PTDSS2: variants seen among roughly 807,000 people sequenced by gnomAD.
PTDSS2 encodes the protein PSS-2.
A neutral mutation model predicts 64.7 loss-of-function variants in PTDSS2; 41 were observed. That is an observed-to-expected ratio of 0.63 (90% CI 0.49 to 0.82). PTDSS2 has a LOEUF of 0.82. Ranked by LOEUF, PTDSS2 falls within the 40% of genes least tolerant of loss-of-function variation. The pLI is 0.00. For missense variants in PTDSS2, 485 were observed against 650.0 expected, an observed-to-expected ratio of 0.75 and a Z score of 2.76; for synonymous variants, 297 against 277.8, an observed-to-expected ratio of 1.07 and a Z score of -0.69.
intron 1 of PTDSS2, among the ~76,000 whole-genome samples, chr11:457,457 C>A (rs1163669842): frequency 6.6e-6 from 1 of 152,182 alleles, no homozygotes; most frequent in African/African-American, 2.4e-5. Flanking sequence ...GAGACGGGAT[C>A]TCACGATGTT....
rs865775553 is a variant in PTDSS2 at position 476,869 on chromosome 11, T to A, written c.368-2216T>A. Among the ~76,000 whole-genome samples the A allele has an allele frequency of 2.0e-5, 3 of 152,226 alleles. No individual in the cohort carries two copies. The highest frequency in any genetic ancestry group is 2.0e-4 in the Admixed American group (3 of 15,284). ...CATAAATTCCATATTACTTTGCCAA[T>A]CTTCGATTTATTGACGGGGAAGCCT... On this transcript the variant is annotated intron_variant, in intron 3 of 11. Coordinates refer to ENST00000308020, the MANE Select transcript of PTDSS2 (RefSeq NM_030783.3). This position sits in a 1 kb window ranked among gnomAD's most constrained non-coding sequence, Gnocchi z 4.9.
intron 4 of PTDSS2, among the ~76,000 whole-genome samples, chr11:484,572 C>T (rs1290295675): frequency 6.7e-6 from 1 of 149,870 alleles, no homozygotes; most frequent in Non-Finnish European, 1.5e-5. Context: ...GCTCACTGCG[C>T]AGGCATCTGT....
intron 4 of PTDSS2, among the ~76,000 whole-genome samples, chr11:482,408 G>T (rs1339855036): frequency 6.6e-6 from 1 of 152,118 alleles, no homozygotes; most frequent in Non-Finnish European, 1.5e-5. Context: ...TTTTAGTAGA[G>T]TCGGGGTTTC....
In PTDSS2 at chr11:462,757, C is replaced by T. The variant is rs993409414; in HGVS notation, c.284+2469C>T. ...GGTGTCCACACAGAGGGTGTCCGCA[C>T]ACAGGGTGCCCACACACAGGGTGTC... On this transcript the variant is annotated intron_variant, in intron 2 of 11. Transcript: ENST00000308020. The surrounding 1 kb of genome is among the most constrained non-coding windows in gnomAD (Gnocchi z 4.5). Among the ~76,000 whole-genome samples the T allele has an allele frequency of 6.6e-6, 1 of 152,118 alleles. No individual in the cohort carries two copies. The highest frequency in any genetic ancestry group is 1.5e-5 in the Non-Finnish European group (1 of 67,994).
At chr11:464,244 A>G (rs528218685) in intron 2 of PTDSS2, among the ~76,000 whole-genome samples, 1 of 152,190 alleles carries the variant, frequency 6.6e-6, no homozygotes, top group Admixed American at 6.5e-5. Context: ...CAGCCTCCCA[A>G]ATTGCTAGGA....
chr11:491,295 C>G lies in PTDSS2; in HGVS notation c.*713C>G, dbSNP rs1848678057. 1 of 152,432 alleles carries G rather than the reference C, an allele frequency of 6.6e-6. No homozygotes were observed. Among genetic ancestry groups the G allele is most frequent in the African/African-American group, 2.4e-5 (1 of 41,448 alleles). The allele number at this position is 152,432 out of a possible 1,614,324, so 9.4% of individuals were successfully genotyped here. A position where few individuals can be genotyped will look rare whatever the true frequency, so the allele number is the denominator to read the frequency against. ...CTCAAGGGGGCCTGGAACCCGGGTG[C>G]TGGGGTCATGCTGCCTCCGTGGCTC... On this transcript the variant is annotated 3_prime_UTR_variant, in exon 12 of 12. Transcript: ENST00000308020.
rs1564965866 is a variant in PTDSS2 at position 462,271 on chromosome 11, G to A, written c.284+1983G>A. ...CTGAGGGGGCAGCAGTGGTGGGCACGTCCCCCACTTCACCCAGCACTGGCC... is the reference window on the plus strand; with the variant it reads ...CTGAGGGGGCAGCAGTGGTGGGCACATCCCCCACTTCACCCAGCACTGGCC... On this transcript the variant is annotated intron_variant, in intron 2 of 11. Transcript: ENST00000308020. The surrounding 1 kb of genome is among the most constrained non-coding windows in gnomAD (Gnocchi z 4.5). 6.6e-6 allele frequency among the ~76,000 whole-genome samples: 1 copy of A among 152,114 alleles called. No individual in the cohort carries two copies. Among genetic ancestry groups the A allele is most frequent in the South Asian group, 2.1e-4 (1 of 4,826 alleles).
At chr11:450,669 G>C (rs1234201112) in intron 1 of PTDSS2, 32 bp downstream of exon 1, 2 of 1,241,606 alleles carry the variant, frequency 1.6e-6, no homozygotes, top group African/African-American at 3.1e-5. Context: ...GGGGCGGCGA[G>C]GGTGCCCTCG....
chr11:474,081 C>T, intron 3 of PTDSS2, 104 bp downstream of exon 3: 5 of 969,016 alleles, frequency 5.2e-6, no homozygotes, highest in Non-Finnish European at 8.4e-6. Context: ...CTCCCCTCCG[C>T]CTGGCCCCTC....
chr11:460,697 CAG>C lies in PTDSS2; in HGVS notation c.284+410_284+411del, dbSNP rs200235740. ...TTAGCCAGCGGGGCTCTTGCACGGA[CAG>C]GGGCCGACACGGACCGCAGACCATC... is the stretch of plus-strand genomic sequence containing the variant. On this transcript the variant is annotated intron_variant, in intron 2 of 11. Coordinates refer to ENST00000308020, the MANE Select transcript of PTDSS2 (RefSeq NM_030783.3). The surrounding 1 kb of genome is among the most constrained non-coding windows in gnomAD (Gnocchi z 5.8). 1,223 of 180,538 alleles carry C rather than the reference CAG, an allele frequency of 6.8e-3. 10 individuals are homozygous for C. The highest frequency in any genetic ancestry group is 0.012 in the Admixed American group (220 of 17,796). The allele number at this position is 180,538 out of a possible 1,614,324, so 11.2% of individuals were successfully genotyped here.
chr11:454,512 G>A (rs1465008511), intron 1 of PTDSS2, among the ~76,000 whole-genome samples: 4 of 152,144 alleles, frequency 2.6e-5, no homozygotes, highest in Admixed American at 6.6e-5. Context: ...GGTCTCTGTC[G>A]TGGAAAGTCG....
At chr11:453,799 AC>A (rs1308463993) in intron 1 of PTDSS2, among the ~76,000 whole-genome samples, 1 of 152,184 alleles carries the variant, frequency 6.6e-6, no homozygotes, top group Non-Finnish European at 1.5e-5. Context: ...CTCCCTGCCC[AC>A]CATGAGAGTG....
intron 2 of PTDSS2, among the ~76,000 whole-genome samples, chr11:472,703 T>G (rs186305843): frequency 3.9e-5 from 6 of 152,342 alleles, no homozygotes; most frequent in Non-Finnish European, 8.8e-5. Flanking sequence ...CAGGCACTCC[T>G]GCAGGCAGAG....
Position 470,676 on chromosome 11 carries a change from G to A in PTDSS2, c.285-3219G>A, listed in dbSNP as rs1401552520. On this transcript the variant is annotated intron_variant, in intron 2 of 11. Coordinates refer to ENST00000308020, the MANE Select transcript of PTDSS2 (RefSeq NM_030783.3). The surrounding 1 kb of genome is among the most constrained non-coding windows in gnomAD (Gnocchi z 5.3). ...GTGATCTCGGCTCACTGCAACCTCC[G>A]CCTCTCGGGTTCAAGTGATTCTCCT... Among the ~76,000 whole-genome samples, 3 of 151,430 alleles carry A rather than the reference G, an allele frequency of 2.0e-5. No individual in the cohort carries two copies. The highest frequency in any genetic ancestry group is 3.0e-5 in the Non-Finnish European group (2 of 67,790).
chr11:490,315 C>T (rs1590699663), intron 11 of PTDSS2, 105 bp from the exon 12 acceptor site: 1 of 1,510,780 alleles, frequency 6.6e-7, no homozygotes, highest in African/African-American at 1.4e-5. Context: ...CCGGCACCCA[C>T]CCAGTCCATT....
Position 450,312 on chromosome 11 carries a change from C to T in PTDSS2, c.-144C>T, listed in dbSNP as rs1846253942. The stretch of plus-strand genomic sequence containing the variant: ...CCGCACACCCTTTACTGGCCGGCCC[C>T]GCGCTGCTCTCCTAAGACCCCGCGG... On this transcript the variant is annotated 5_prime_UTR_variant, in exon 1 of 12. Transcript: ENST00000308020. 4.8e-6 allele frequency: 3 copies of T among 624,778 alleles called. No individual in the cohort carries two copies. Among genetic ancestry groups the T allele is most frequent in the South Asian group, 8.4e-5 (1 of 11,842 alleles). The allele number at this position is 624,778 out of a possible 1,614,324, so 38.7% of individuals were successfully genotyped here.
At chr11:487,161 C>T in intron 5 of PTDSS2, 88 bp downstream of exon 5, 1 of 1,262,546 alleles carries the variant, frequency 7.9e-7, no homozygotes, top group Non-Finnish European at 1.1e-6. Flanking sequence ...GCCTCGCACC[C>T]CTCAGCCCAC....
At chr11:451,031 C>CT (rs1207116523) in intron 1 of PTDSS2, among the ~76,000 whole-genome samples, 1 of 152,214 alleles carries the variant, frequency 6.6e-6, no homozygotes, top group Non-Finnish European at 1.5e-5. Flanking sequence ...GAAGCTTCAC[C>CT]TGTGTCCCCC....
rs199711192 is a variant in PTDSS2, at chr11:490,473, A to T, written c.1355A>T (p.Asp452Val). 50 of 1,613,210 alleles carry T rather than the reference A, an allele frequency of 3.1e-5. No individual in the cohort carries two copies. Among genetic ancestry groups the T allele is most frequent in the Non-Finnish European group, 4.2e-5 (49 of 1,179,946 alleles). Residue 452 changes from aspartate to valine, a missense_variant, in exon 12 of 12, where the codon GAT becomes GTT. Physicochemically the swap from Asp to Val is radical, Grantham distance 152 (BLOSUM62 -3). Around this residue, in one of 3 missense-constraint regions of PTDSS2, gnomAD observed 219 missense variants for 257.3 expected, o/e 0.85. Transcript: ENST00000308020. The stretch of plus-strand genomic sequence containing the variant: ...CGGTGGCAGAAGTGGCAGAACAAGG[A>T]TGACCAGGGCAGCACCGTCGGCAAC... The part of the protein sequence containing the change: ...ETRWQKWQNK[D>V]DQGSTVGNGD...
Sources: gnomAD v4.1 joint callset for allele counts (sites outside exome capture counted in the v4.1 genomes callset) on GRCh38, gnomAD v4.1.1 for gene constraint, gnomAD v4.1.1 regional missense constraint, Gnocchi (gnomAD v3.1) non-coding constraint, MANE v1.5 for transcripts, NCBI Gene and HGNC (gene_info 2026-07-23, HGNC 2026-07-21) for gene names.